Variants in SNX13 observed in about 807,000 individuals in gnomAD.
SNX13 encodes sorting nexin-13.
In SNX13, 45 loss-of-function variants were observed where a neutral mutation model predicts 133.6. The observed-to-expected ratio is 0.34, with a 90% CI of 0.27 to 0.43. SNX13 has a LOEUF of 0.43. Among genes scored for constraint, SNX13 ranks in the 20% least tolerant of loss-of-function variants. The probability of loss-of-function intolerance (pLI) is 1.00; values close to 1 mark genes in which losing one functional copy is unlikely to be tolerated. For synonymous variants in SNX13, 414 were observed against 373.9 expected (o/e 1.11, Z -1.24); for missense variants, 1,032 against 1,145.1 (o/e 0.90, Z 1.43).
At position 17,805,259 on chromosome 7, in the gene SNX13, G is replaced by GCA. The variant is rs1562663487; in HGVS notation, c.2065-1680_2065-1679insTG. 4.1e-5 allele frequency among the ~76,000 whole-genome samples: 6 copies of GCA among 147,588 alleles called. No individual in the cohort carries two copies. The South Asian group carries it at 8.4e-4, about 21-fold the overall frequency. ...TGTGTGTGTGTGTGTGTGCGTGCGC[G>GCA]CGCGCGCATGCATGCACATGTGTAA... On this transcript the variant is annotated intron_variant, in intron 20 of 25. Coordinates refer to ENST00000428135, the MANE Select transcript of SNX13 (RefSeq NM_015132.5).
chr7:17,856,464 T>C (rs1791894598), intron 9 of SNX13, among the ~76,000 whole-genome samples: 1 of 152,114 alleles, frequency 6.6e-6, no homozygotes, highest in Non-Finnish European at 1.5e-5. Flanking sequence ...ACACTAAATG[T>C]AAGTGGACTA....
At position 17,862,623 on chromosome 7, in the gene SNX13, T is replaced by A. The variant is rs543230265; in HGVS notation, c.837+5784A>T. Among the ~76,000 whole-genome samples the A allele has an allele frequency of 4.6e-5, 7 of 152,324 alleles. No homozygotes were observed. The South Asian group carries it at 1.2e-3, about 27-fold the overall frequency. On this transcript the variant is annotated intron_variant, in intron 9 of 25. Transcript: ENST00000428135. ...ACAATTTTTCAAGTTCATAAAGATA[T>A]ACTATCATCACTTTAAATGGTTACA...
chr7:17,816,143 TAAATGA>T (rs1324058151), intron 19 of SNX13, 33 bp downstream of exon 19: 4 of 1,497,572 alleles, frequency 2.7e-6, no homozygotes, highest in Non-Finnish European at 3.6e-6. Flanking sequence ...TGTGCTATAT[TAAATGA>T]AAATCTGTGG....
At chr7:17,898,909 C>G (rs1797514425) in intron 1 of SNX13, 1 of 152,134 alleles carries the variant, frequency 6.6e-6, no homozygotes, top group Non-Finnish European at 1.5e-5. Flanking sequence ...CCACTTTTAT[C>G]TTTTAACCAA....
chr7:17,805,250 T>TGTGTGTGTGTGTGTGTGTGTGCGTGCGC, intron 20 of SNX13, among the ~76,000 whole-genome samples: 1 of 95,560 alleles, frequency 1.0e-5, no homozygotes, highest in African/African-American at 3.1e-5. Flanking sequence ...TGTGTGTGTG[T>TGTGTGTGTGTGTGTGTGTGTGCGTGCGC]GCGTGCGCGC....
intron 5 of SNX13, among the ~76,000 whole-genome samples, chr7:17,886,516 C>T (rs951551271): frequency 6.6e-6 from 1 of 151,750 alleles, no homozygotes; most frequent in Non-Finnish European, 1.5e-5. Flanking sequence ...TGCAGTGAGC[C>T]GAGATCGTGC....
rs202124601 is a variant in SNX13 at position 17,845,671 on chromosome 7, T to G, written c.1089A>C (p.Ala363=). Reference sequence around the variant, plus strand: ...CTGTGCAAAGTTTCCCAAAGTTTGCTGCAAGTTTCACAGTATTTATTTCCT... The same window carrying G: ...CTGTGCAAAGTTTCCCAAAGTTTGCGGCAAGTTTCACAGTATTTATTTCCT... The part of the protein sequence containing the change: ...SGKEINTVKL[A]ANFGKLCTVP... Residue 363 remains alanine (A), a synonymous_variant, in exon 12 of 26, where the codon GCA becomes GCC. Coordinates refer to ENST00000428135, the MANE Select transcript of SNX13 (RefSeq NM_015132.5). 379 of 1,599,878 alleles carry G rather than the reference T, an allele frequency of 2.4e-4. No individual in the cohort carries two copies. Among genetic ancestry groups the G allele is most frequent in the Admixed American group, 6.7e-4 (39 of 58,094 alleles).
chr7:17,875,369 T>C (rs1201965489), intron 7 of SNX13, 111 bp downstream of exon 7: 4 of 731,412 alleles, frequency 5.5e-6, no homozygotes, highest in Non-Finnish European at 8.8e-6. Flanking sequence ...GCATCTTTAC[T>C]ATGCTACCTG....
chr7:17,830,873 CA>C (rs1554316532), intron 15 of SNX13: 1 of 984,106 alleles, frequency 1.0e-6, no homozygotes, highest in Non-Finnish European at 1.2e-6. Flanking sequence ...AATGGGTCTT[CA>C]AAAAAGCAAC....
intron 7 of SNX13, among the ~76,000 whole-genome samples, chr7:17,874,495 A>G (rs1794485859): frequency 6.6e-6 from 1 of 152,200 alleles, no homozygotes; most frequent in East Asian, 1.9e-4. Flanking sequence ...TCAAGTGTCA[A>G]CTATACTTCT....
At chr7:17,831,265 CA>C in intron 15 of SNX13, 1 of 981,084 alleles carries the variant, frequency 1.0e-6, no homozygotes, top group Non-Finnish European at 1.2e-6. Flanking sequence ...TATTAGAAAA[CA>C]AAAGAAAGCA....
chr7:17,851,643 G>T (rs148880810), intron 9 of SNX13, among the ~76,000 whole-genome samples: 2,833 of 149,948 alleles, frequency 0.019, 44 homozygotes, highest in Non-Finnish European at 0.03. Context: ...TAACATCGTT[G>T]GCCTGACAAC....
intron 1 of SNX13, among the ~76,000 whole-genome samples, chr7:17,938,797 T>C (rs967804137): frequency 1.3e-5 from 2 of 152,332 alleles, no homozygotes; most frequent in South Asian, 2.1e-4. Flanking sequence ...TATCATATAA[T>C]ATTACACATT....
intron 18 of SNX13, among the ~76,000 whole-genome samples, chr7:17,818,995 A>G (rs1786983642): frequency 6.6e-6 from 1 of 152,204 alleles, no homozygotes; most frequent in Non-Finnish European, 1.5e-5. Context: ...ACAAGCTCTT[A>G]GAGGCAAGGA....
intron 13 of SNX13, among the ~76,000 whole-genome samples, chr7:17,836,570 T>C (rs1313746146): frequency 6.6e-6 from 1 of 152,024 alleles, no homozygotes; most frequent in Non-Finnish European, 1.5e-5. Context: ...AATGTGAAAA[T>C]ATAAAAGTGA....
intron 15 of SNX13, chr7:17,830,892 T>C (rs1253024545): frequency 1.0e-6 from 1 of 984,410 alleles, no homozygotes; most frequent in Non-Finnish European, 1.2e-6. Flanking sequence ...AACACTACTA[T>C]TCCTACAAGG....
At chr7:17,906,958 G>A (rs1243859315) in intron 1 of SNX13, among the ~76,000 whole-genome samples, 1 of 152,104 alleles carries the variant, frequency 6.6e-6, no homozygotes, top group Non-Finnish European at 1.5e-5. Context: ...GGTGTATCAG[G>A]TGTTCAGATT....
intron 11 of SNX13, among the ~76,000 whole-genome samples, chr7:17,847,235 G>GCA (rs35220289): frequency 0.013 from 1,920 of 150,824 alleles, 19 homozygotes; most frequent in South Asian, 0.021. Context: ...AAACAAAGGT[G>GCA]CACACACACA....
At chr7:17,839,021 TATTAG>T (rs1323745579) in intron 13 of SNX13, among the ~76,000 whole-genome samples, 1 of 149,876 alleles carries the variant, frequency 6.7e-6, no homozygotes, top group Non-Finnish European at 1.5e-5. Flanking sequence ...TTAGAATTGT[TATTAG>T]ATTAGAATTA....
Sources: allele counts gnomAD v4.1 joint callset (sites outside exome capture counted in the v4.1 genomes callset), GRCh38; gene constraint gnomAD v4.1.1; transcripts MANE v1.5; gene names NCBI Gene and HGNC (gene_info 2026-07-23, HGNC 2026-07-21).